The following PLEKHA7 variants were observed in gnomAD, a reference collection of about 807,000 sequenced individuals.
PLEKHA7 encodes pleckstrin homology domain-containing family A member 7.
A neutral mutation model predicts 170.0 loss-of-function variants in PLEKHA7; 104 were observed. The observed-to-expected ratio is 0.61, with a 90% CI of 0.52 to 0.72. PLEKHA7 has a LOEUF of 0.72. Ranked by LOEUF, PLEKHA7 falls within the 30% of genes least tolerant of loss-of-function variation. The pLI is 0.00. For missense variants in PLEKHA7, 1,615 were observed against 1,671.7 expected, an observed-to-expected ratio of 0.97 and a Z score of 0.59; for synonymous variants, 648 against 660.8, an observed-to-expected ratio of 0.98 and a Z score of 0.30.
At chr11:16,990,289 A>ACAAAAAAC (rs775411034) in intron 3 of PLEKHA7, among the ~76,000 whole-genome samples, 1 of 148,580 alleles carries the variant, frequency 6.7e-6, no homozygotes, top group South Asian at 2.1e-4. Context: ...AAAAAAAAAA[A>ACAAAAAAC]AAAAAAAAAA....
intron 3 of PLEKHA7, among the ~76,000 whole-genome samples, chr11:16,917,825 C>G (rs553170763): frequency 6.6e-6 from 1 of 152,356 alleles, no homozygotes; most frequent in South Asian, 2.1e-4. Context: ...GGCAGATGCA[C>G]AGTGACTGTT....
chr11:16,981,039 C>T (rs1267852990), intron 3 of PLEKHA7, among the ~76,000 whole-genome samples: 2 of 152,106 alleles, frequency 1.3e-5, no homozygotes, highest in Non-Finnish European at 2.9e-5. Context: ...CCTCTTTATG[C>T]AGAGAGATCA....
intron 6 of PLEKHA7, among the ~76,000 whole-genome samples, 158 bp downstream of exon 6, chr11:16,854,731 C>T (rs766404772): frequency 4.6e-5 from 7 of 152,278 alleles, no homozygotes; most frequent in Admixed American, 2.0e-4. Flanking sequence ...TAAGAACAAA[C>T]GGCAAATAAT....
At chr11:16,884,098 A>G (rs538304614) in intron 3 of PLEKHA7, among the ~76,000 whole-genome samples, 1 of 131,622 alleles carries the variant, frequency 7.6e-6, no homozygotes, top group East Asian at 2.9e-4. Flanking sequence ...CTCCATATCC[A>G]TACACAAGGA....
At chr11:16,809,775 T>C (rs1012496110) in intron 13 of PLEKHA7, among the ~76,000 whole-genome samples, 1 of 152,214 alleles carries the variant, frequency 6.6e-6, no homozygotes, top group East Asian at 1.9e-4. Context: ...CTGCAACCTA[T>C]CTACTTGTAG....
Position 16,791,041 on chromosome 11 carries a change from C to T in PLEKHA7, c.2904G>A (p.Glu968=). The change falls in exon 20 of 27, where the codon GAG becomes GAA. Residue 968 remains glutamate (E), a synonymous_variant. Coordinates refer to ENST00000531066, the MANE Select transcript of PLEKHA7 (RefSeq NM_001329630.2). This position sits in a 1 kb window ranked among gnomAD's most constrained non-coding sequence, Gnocchi z 4.5. ...AATCCCCATTCACACACTGCCCCAG[C>T]TCCCGGTCTCGCTTCCTCTCGTCTG... ...RQSDERKRDR[E]LGQCVNGDSR... is the part of the protein sequence containing the mutation. 6.2e-7 allele frequency: 1 copy of T among 1,614,170 alleles called. No individual in the cohort carries two copies. The highest frequency in any genetic ancestry group is 2.2e-5 in the East Asian group (1 of 44,862).
At chr11:17,000,251 A>AT (rs1423599082) in intron 3 of PLEKHA7, among the ~76,000 whole-genome samples, 3 of 151,406 alleles carry the variant, frequency 2.0e-5, no homozygotes, top group South Asian at 4.2e-4. Context: ...TACCCAACTA[A>AT]TTTTTTTTGT....
At position 16,813,140 on chromosome 11, in the gene PLEKHA7, C is replaced by T; in HGVS notation, c.1980G>A (p.Lys660=). 6.2e-7 allele frequency: 1 copy of T among 1,613,690 alleles called. No individual in the cohort carries two copies. The highest frequency in any genetic ancestry group is 1.1e-5 in the South Asian group (1 of 91,058). Residue 660 remains lysine (K), a synonymous_variant, in exon 13 of 27, where the codon AAG becomes AAA. Transcript: ENST00000531066. The part of the protein sequence containing the change: ...KSADDTYLQL[K]KDLEYLDLKM... ...TTAGATCCAGGTACTCCAGGTCTTT[C>T]TTCAGCTGGAGGTAGGTATCATCAG...
rs1459440196 is a variant in PLEKHA7 at position 16,789,384 on chromosome 11, G to A, written c.3157-88C>T. 7.8e-6 allele frequency: 10 copies of A among 1,283,022 alleles called. No homozygotes were observed. Among genetic ancestry groups the A allele is most frequent in the East Asian group, 7.0e-5 (3 of 43,048 alleles). 79.5% of individuals were successfully genotyped at this position (1,283,022 alleles called of 1,614,324 possible). Reference sequence around the variant, plus strand: ...CCACCCTGCTGGCTGCATTCCCGTTGTCTCTCTCTCACACACATGCACACT... The same window carrying A: ...CCACCCTGCTGGCTGCATTCCCGTTATCTCTCTCTCACACACATGCACACT... On this transcript the variant is annotated intron_variant, in intron 22 of 26. Coordinates refer to ENST00000531066, the MANE Select transcript of PLEKHA7 (RefSeq NM_001329630.2). This position sits in a 1 kb window ranked among gnomAD's most constrained non-coding sequence, Gnocchi z 4.6.
At position 17,014,130 on chromosome 11, in the gene PLEKHA7, C is replaced by A; in HGVS notation, c.158G>T (p.Arg53Leu). The change falls in exon 2 of 27, where the codon CGC becomes CTC. Residue 53 changes from arginine to leucine, a missense_variant. Transcript: ENST00000531066. ...CCCGCCGGCCCGGCGCCCACCTGAG[C>A]GGATCATGTGGCCCGAGTTGACGGG... The part of the protein sequence containing the change: ...GEPVNSGHMI[R>L]SDLPRGWEEG... 1 of 1,602,860 alleles carries A rather than the reference C, an allele frequency of 6.2e-7. No homozygotes were observed. The highest frequency in any genetic ancestry group is 1.1e-5 in the South Asian group (1 of 89,730).
intron 8 of PLEKHA7, among the ~76,000 whole-genome samples, chr11:16,844,312 C>A (rs1005327168): frequency 6.6e-6 from 1 of 152,208 alleles, no homozygotes; most frequent in African/African-American, 2.4e-5. Flanking sequence ...CACATGATTG[C>A]AAATATAACC....
rs138075353 is a variant in PLEKHA7 at position 16,859,002 on chromosome 11, G to C, written c.306-3088C>G. ...ACAAAAACACACATGAAGACAGCTT[G>C]ACTCCTCATGGTCTACACCGCTCAA... On this transcript the variant is annotated intron_variant, in intron 4 of 26. Coordinates refer to ENST00000531066, the MANE Select transcript of PLEKHA7 (RefSeq NM_001329630.2). Among the ~76,000 whole-genome samples, 60 of 152,280 alleles carry C rather than the reference G, an allele frequency of 3.9e-4. No homozygotes were observed. In the East Asian group the frequency reaches 0.011, roughly 28 times the overall value.
intron 10 of PLEKHA7, among the ~76,000 whole-genome samples, chr11:16,821,524 C>T (rs1029640194): frequency 2.6e-5 from 4 of 152,190 alleles, no homozygotes; most frequent in Non-Finnish European, 5.9e-5. Flanking sequence ...GCCAAAAATA[C>T]AGGATCATAT....
intron 9 of PLEKHA7, 116 bp downstream of exon 9, chr11:16,841,431 G>T: frequency 8.7e-7 from 1 of 1,147,712 alleles, no homozygotes; most frequent in South Asian, 1.8e-5. Flanking sequence ...TTTATAAAGA[G>T]AGGGCAATGC....
intron 3 of PLEKHA7, among the ~76,000 whole-genome samples, chr11:16,954,763 T>A (rs1228047755): frequency 1.3e-5 from 2 of 151,714 alleles, no homozygotes; most frequent in African/African-American, 2.4e-5. Flanking sequence ...CAATCTCGGC[T>A]CACTGCAACC....
At position 16,990,284 on chromosome 11, in the gene PLEKHA7, A is replaced by AC. The variant is rs1288781473; in HGVS notation, c.221+23704_221+23705insG. Among the ~76,000 whole-genome samples the AC allele has an allele frequency of 8.5e-4, 107 of 126,224 alleles. 4 individuals carry two copies. The highest frequency in any genetic ancestry group is 3.2e-3 in the African/African-American group (103 of 31,848). 82.8% of individuals were successfully genotyped at this position (126,224 alleles called of 152,430 possible). The stretch of plus-strand genomic sequence containing the variant: ...GCAAGACCCTGTCTCAAAAAAAAAA[A>AC]AAAAAAAAAAAAAAACTTCTCCCTG... On this transcript the variant is annotated intron_variant, in intron 3 of 26. Coordinates refer to ENST00000531066, the MANE Select transcript of PLEKHA7 (RefSeq NM_001329630.2).
intron 15 of PLEKHA7, 64 bp downstream of exon 15, chr11:16,802,908 C>T: frequency 7.3e-7 from 1 of 1,364,186 alleles, no homozygotes; most frequent in Non-Finnish European, 1.0e-6. Context: ...CAGCCTATGT[C>T]TCAAGAAAGA....
intron 3 of PLEKHA7, among the ~76,000 whole-genome samples, chr11:16,914,304 G>A (rs1045092190): frequency 6.6e-6 from 1 of 151,962 alleles, no homozygotes; most frequent in South Asian, 2.1e-4. Flanking sequence ...AGAAAACATC[G>A]ACATTTAAAG....
intron 9 of PLEKHA7, among the ~76,000 whole-genome samples, chr11:16,826,939 T>A (rs749408694): frequency 7.2e-5 from 11 of 152,220 alleles, no homozygotes; most frequent in Non-Finnish European, 1.2e-4. Context: ...CTGATCATCA[T>A]AAGCCCAGAA....
Sources: gnomAD v4.1 joint callset for allele counts (sites outside exome capture counted in the v4.1 genomes callset) on GRCh38, gnomAD v4.1.1 for gene constraint, Gnocchi (gnomAD v3.1) non-coding constraint, MANE v1.5 for transcripts, NCBI Gene and HGNC (gene_info 2026-07-23, HGNC 2026-07-21) for gene names.